The following NFIB variants were observed in gnomAD, a reference collection of about 807,000 sequenced individuals.
The protein encoded by NFIB is nuclear factor I B, also known as nuclear factor 1 B-type.
A neutral mutation model predicts 61.5 loss-of-function variants in NFIB; 11 were observed. That is an observed-to-expected ratio of 0.18 (90% CI 0.11 to 0.30). The LOEUF (loss-of-function observed/expected upper bound fraction) is 0.30. Among genes scored for constraint, NFIB ranks in the 10% least tolerant of loss-of-function variants. The pLI is 1.00. For missense variants in NFIB, 471 were observed against 608.9 expected (o/e 0.77, Z 2.38); for synonymous variants, 260 against 216.5 (o/e 1.20, Z -1.76).
intron 3 of NFIB, among the ~76,000 whole-genome samples, chr9:14,157,768 G>C (rs143543438): frequency 1.1e-4 from 17 of 152,162 alleles, no homozygotes; most frequent in Admixed American, 2.0e-4. Flanking sequence ...CATATAGAAA[G>C]ATTTTTGTTG....
chr9:14,253,749 T>C (rs1299429136), intron 2 of NFIB, among the ~76,000 whole-genome samples: 1 of 152,178 alleles, frequency 6.6e-6, no homozygotes, highest in African/African-American at 2.4e-5. Flanking sequence ...CGTAATAACC[T>C]GGGTGCTGCC....
chr9:14,274,251 T>TAC (rs71321975), intron 2 of NFIB, among the ~76,000 whole-genome samples: 2,652 of 123,980 alleles, frequency 0.021, 72 homozygotes, highest in African/African-American at 0.052. Context: ...TCTTCCTCCC[T>TAC]ACACACACAC....
At chr9:14,469,002 A>C in the NFIB span, among the ~76,000 whole-genome samples, 4 of 152,218 alleles carry the variant, frequency 2.6e-5, no homozygotes, top group African/African-American at 9.7e-5. Flanking sequence ...AGGTATCAGA[A>C]GTGTGTCTGG....
chr9:14,391,686 G>A (rs922991898), intron 1 of NFIB, among the ~76,000 whole-genome samples: 1 of 152,254 alleles, frequency 6.6e-6, no homozygotes, highest in East Asian at 1.9e-4. Flanking sequence ...ACAGGCCACT[G>A]TGCATGTGCA....
chr9:14,462,326 A>G, the NFIB span, among the ~76,000 whole-genome samples: 1 of 149,102 alleles, frequency 6.7e-6, no homozygotes, highest in Non-Finnish European at 1.5e-5. Flanking sequence ...TCTGTTGCCC[A>G]GGCTGGAGTG....
chr9:14,502,739 T>C, the NFIB span, among the ~76,000 whole-genome samples: 1 of 152,156 alleles, frequency 6.6e-6, no homozygotes. Flanking sequence ...TGTAAATTTG[T>C]TTCTATTTCA....
At chr9:14,226,777 T>C (rs576063814) in intron 2 of NFIB, among the ~76,000 whole-genome samples, 51 of 152,304 alleles carry the variant, frequency 3.3e-4, no homozygotes, top group African/African-American at 1.2e-3. Flanking sequence ...AATCACCTTT[T>C]TTGTTTGGAT....
chr9:14,137,052 C>A (rs1412169464), intron 6 of NFIB, among the ~76,000 whole-genome samples: 1 of 152,100 alleles, frequency 6.6e-6, no homozygotes, highest in East Asian at 1.9e-4. Flanking sequence ...AGTAACAAAA[C>A]CTCTATTTAG....
intron 1 of NFIB, among the ~76,000 whole-genome samples, chr9:14,366,718 T>C (rs1488629509): frequency 6.6e-6 from 1 of 152,260 alleles, no homozygotes; most frequent in Admixed American, 6.5e-5. Flanking sequence ...ACTCCTGACC[T>C]CTTGATGTGC....
the NFIB span, among the ~76,000 whole-genome samples, chr9:14,495,007 C>T: frequency 9.2e-5 from 14 of 152,190 alleles, no homozygotes; most frequent in Non-Finnish European, 1.9e-4. Context: ...CCGCTTATTC[C>T]AAACATGTTC....
At chr9:14,187,953 A>C (rs2131527527) in intron 2 of NFIB, among the ~76,000 whole-genome samples, 1 of 152,244 alleles carries the variant, frequency 6.6e-6, no homozygotes, top group South Asian at 2.1e-4. Context: ...CCCACCCCCC[A>C]CAACAATGGG....
rs557488250 is a variant in NFIB at position 14,150,750 on chromosome 9, T to A, written c.686-485A>T. Among the ~76,000 whole-genome samples, 758 of 152,226 alleles carry A rather than the reference T, an allele frequency of 5.0e-3. 6 individuals are homozygous for A. Among genetic ancestry groups the A allele is most frequent in the African/African-American group, 0.012 (494 of 41,542 alleles). On this transcript the variant is annotated intron_variant, in intron 4 of 10. Coordinates refer to ENST00000380953, the MANE Select transcript of NFIB (RefSeq NM_001190737.2). Reference sequence around the variant, plus strand: ...TCACAGCCTCCCAGTTAGGATATGATAATAATTATTAATATCATGACTTCT... The same window carrying A: ...TCACAGCCTCCCAGTTAGGATATGAAAATAATTATTAATATCATGACTTCT...
chr9:14,200,612 C>T (rs1170202571), intron 2 of NFIB, among the ~76,000 whole-genome samples: 1 of 152,080 alleles, frequency 6.6e-6, no homozygotes, highest in African/African-American at 2.4e-5. Context: ...ATTCTCCTTC[C>T]CTTTTCCTTT....
chr9:14,198,532 A>G (rs1213373119), intron 2 of NFIB, among the ~76,000 whole-genome samples: 1 of 152,328 alleles, frequency 6.6e-6, no homozygotes, highest in African/African-American at 2.4e-5. Flanking sequence ...GTATCATGAC[A>G]ATAAATGCTA....
At chr9:14,156,211 C>T (rs573087254) in intron 3 of NFIB, among the ~76,000 whole-genome samples, 6 of 152,032 alleles carry the variant, frequency 3.9e-5, no homozygotes, top group Non-Finnish European at 8.8e-5. Context: ...GCTTTTGACT[C>T]GGTAGCACCT....
chr9:14,268,166 A>G (rs1472933629), intron 2 of NFIB, among the ~76,000 whole-genome samples: 1 of 152,074 alleles, frequency 6.6e-6, no homozygotes, highest in African/African-American at 2.4e-5. Flanking sequence ...AATATGGAGA[A>G]GACAAAGATA....
At chr9:14,162,725 C>A (rs749321031) in intron 3 of NFIB, among the ~76,000 whole-genome samples, 2 of 152,036 alleles carry the variant, frequency 1.3e-5, no homozygotes, top group African/African-American at 4.8e-5. Context: ...GCAGAGAAGA[C>A]TCTTAGATAA....
At chr9:14,132,010 C>A (rs2040461786) in intron 6 of NFIB, among the ~76,000 whole-genome samples, 1 of 152,120 alleles carries the variant, frequency 6.6e-6, no homozygotes, top group African/African-American at 2.4e-5. Flanking sequence ...CTACTAAAGC[C>A]TACATAGAAA....
At chr9:14,530,727 G>C in the NFIB span, among the ~76,000 whole-genome samples, 1 of 152,056 alleles carries the variant, frequency 6.6e-6, no homozygotes, top group East Asian at 1.9e-4. Context: ...CCTTCTGTCC[G>C]GGCACAGTGG....
Sources: allele counts gnomAD v4.1 joint callset (sites outside exome capture counted in the v4.1 genomes callset), GRCh38; gene constraint gnomAD v4.1.1; transcripts MANE v1.5; gene names NCBI Gene and HGNC (gene_info 2026-07-23, HGNC 2026-07-21).